TNFSF11: variants seen among roughly 807,000 people sequenced by gnomAD.
TNFSF11 encodes TNF superfamily member 11.
Under a neutral mutation model 32.2 loss-of-function variants are expected in TNFSF11, and 12 were observed. The observed-to-expected ratio is 0.37, with a 90% CI of 0.24 to 0.60. The LOEUF is 0.60. Among genes scored for constraint, TNFSF11 ranks in the 20% least tolerant of loss-of-function variants. The probability of loss-of-function intolerance (pLI) is 0.66; values close to 1 mark genes in which losing one functional copy is unlikely to be tolerated. For missense variants in TNFSF11, 345 were observed against 398.0 expected (o/e 0.87, Z 1.13); for synonymous variants, 172 against 152.1 (o/e 1.13, Z -0.96).
At chr13:42,573,714 G>C (rs1463781398), upstream of TNFSF11, among the ~76,000 whole-genome samples, 1 of 152,148 alleles carries the variant, frequency 6.6e-6, no homozygotes, top group Non-Finnish European at 1.5e-5. Context: ...ACTTTGGGGG[G>C]AGAGGTTGGA....
rs202090805 is a variant in TNFSF11 at position 42,581,314 on chromosome 13, A to G, written c.387+21A>G. Reference sequence around the variant, plus strand: ...AAAAGGTAAGTCCACATCGAGGCTGATAAGTCAAGGGCCCTTGCTGACTCT... The same window carrying G: ...AAAAGGTAAGTCCACATCGAGGCTGGTAAGTCAAGGGCCCTTGCTGACTCT... On this transcript the variant is annotated intron_variant, in intron 2 of 4. Coordinates refer to ENST00000398795, the MANE Select transcript of TNFSF11 (RefSeq NM_003701.4). 132 of 1,613,580 alleles carry G rather than the reference A, an allele frequency of 8.2e-5. No individual in the cohort carries two copies. In the African/African-American group the frequency reaches 1.6e-3, roughly 19 times the overall value.
chr13:42,595,192 G>A (rs1429456991), intron 2 of TNFSF11, among the ~76,000 whole-genome samples: 1 of 152,136 alleles, frequency 6.6e-6, no homozygotes, highest in African/African-American at 2.4e-5. Context: ...ATCTCAGAAG[G>A]TTTCTTTTAT....
At chr13:42,577,395 G>C (rs2137858657) in intron 1 of TNFSF11, among the ~76,000 whole-genome samples, 1 of 152,192 alleles carries the variant, frequency 6.6e-6, no homozygotes, top group African/African-American at 2.4e-5. Context: ...ATATCTACTA[G>C]ATCCGGTGTA....
intron 2 of TNFSF11, among the ~76,000 whole-genome samples, chr13:42,582,215 T>C (rs975110800): frequency 1.3e-5 from 2 of 152,192 alleles, no homozygotes; most frequent in Non-Finnish European, 2.9e-5. Flanking sequence ...AATCCACATA[T>C]AGTAATATAA....
At chr13:42,604,050 A>G (rs1035261686) in intron 4 of TNFSF11, among the ~76,000 whole-genome samples, 9 of 152,196 alleles carry the variant, frequency 5.9e-5, no homozygotes, top group African/African-American at 1.9e-4. Context: ...TCTCTATTTC[A>G]TATTCTTTCC....
intron 2 of TNFSF11, among the ~76,000 whole-genome samples, chr13:42,590,351 AGAG>A (rs1480167277): frequency 6.6e-6 from 1 of 152,174 alleles, no homozygotes; most frequent in African/African-American, 2.4e-5. Flanking sequence ...TGCTTCTTTG[AGAG>A]GAGAGCTCTT....
rs1373663692 is a variant in TNFSF11, at chr13:42,607,884, A to C, written c.*966A>C. On this transcript the variant is annotated 3_prime_UTR_variant, in exon 5 of 5. Coordinates refer to ENST00000398795, the MANE Select transcript of TNFSF11 (RefSeq NM_003701.4). ...CTTTTTTGTTTTTTCAAAATAGAAA[A>C]GTTATTAGTGGTTTATCAGCAAAAA... 6.5e-6 allele frequency: 1 copy of C among 152,696 alleles called. No individual in the cohort carries two copies. The highest frequency in any genetic ancestry group is 2.4e-5 in the African/African-American group (1 of 41,440). The allele number at this position is 152,696 out of a possible 1,614,324, so 9.5% of individuals were successfully genotyped here. A position where few individuals can be genotyped will look rare whatever the true frequency, so the allele number is the denominator to read the frequency against.
At chr13:42,590,245 G>T (rs926273764) in intron 2 of TNFSF11, among the ~76,000 whole-genome samples, 61 of 152,372 alleles carry the variant, frequency 4.0e-4, no homozygotes, top group African/African-American at 1.4e-3. Flanking sequence ...TGCTCAGGTG[G>T]CGAGTTGTTT....
chr13:42,606,496 G>T lies in TNFSF11; in HGVS notation c.533-1G>T. 6.2e-7 allele frequency: 1 copy of T among 1,614,170 alleles called. No individual in the cohort carries two copies. On this transcript the variant is annotated splice_acceptor_variant, in intron 4 of 4. Transcript: ENST00000398795. LOFTEE classifies it high-confidence loss of function. ...AAATCTTATGCCTCTCTTCTCCACA[G>T]GTTCCCATAAAGTGAGTCTGTCCTC...
chr13:42,589,874 A>G (rs1476907905), intron 2 of TNFSF11, among the ~76,000 whole-genome samples: 1 of 152,232 alleles, frequency 6.6e-6, no homozygotes, highest in Non-Finnish European at 1.5e-5. Flanking sequence ...GTCTTTGTGC[A>G]TAGTCCTTTG....
In TNFSF11 at chr13:42,579,006, T is replaced by C. The variant is rs73466161; in HGVS notation, c.220-2120T>C. On this transcript the variant is annotated intron_variant, in intron 1 of 4. Coordinates refer to ENST00000398795, the MANE Select transcript of TNFSF11 (RefSeq NM_003701.4). ...TGGGATCTAGTTAAAATGCATATTC[T>C]CAGGCAGTATGCCAAAGTAAAGCCT... 1.4e-3 allele frequency among the ~76,000 whole-genome samples: 218 copies of C among 152,304 alleles called. 1 individual carries two copies. Among genetic ancestry groups the C allele is most frequent in the African/African-American group, 5.1e-3 (212 of 41,564 alleles).
intron 2 of TNFSF11, among the ~76,000 whole-genome samples, chr13:42,591,410 G>A (rs370186534): frequency 4.6e-5 from 7 of 151,936 alleles, no homozygotes; most frequent in Non-Finnish European, 7.4e-5. Context: ...CCTCTGGGGA[G>A]GGTGAGGACC....
intron 2 of TNFSF11, among the ~76,000 whole-genome samples, chr13:42,588,864 G>A (rs1043736048): frequency 6.6e-6 from 1 of 152,106 alleles, no homozygotes. Context: ...TATGAAAGAG[G>A]TGGGTCCCGG....
intron 2 of TNFSF11, among the ~76,000 whole-genome samples, chr13:42,593,003 T>C (rs1160754425): frequency 6.6e-6 from 1 of 152,142 alleles, no homozygotes; most frequent in Admixed American, 6.5e-5. Context: ...TACCCAGTCT[T>C]GGCCAGTTCT....
chr13:42,592,066 T>C (rs755611180), intron 2 of TNFSF11, among the ~76,000 whole-genome samples: 12 of 152,112 alleles, frequency 7.9e-5, no homozygotes, highest in Non-Finnish European at 1.5e-4. Context: ...AAAACTAATG[T>C]TTTTCTCTGT....
chr13:42,567,962 C>G (rs934054454), intron 2 of TNFSF11, among the ~76,000 whole-genome samples: 5 of 152,202 alleles, frequency 3.3e-5, no homozygotes, highest in Admixed American at 3.3e-4. Flanking sequence ...TGAGCCCCCA[C>G]CTGTTACACA....
intron 1 of TNFSF11, among the ~76,000 whole-genome samples, chr13:42,565,699 A>G (rs1872844876): frequency 6.6e-6 from 1 of 152,110 alleles, no homozygotes; most frequent in South Asian, 2.1e-4. Context: ...AAAAATTAAG[A>G]GTTTGTAAAG....
intron 2 of TNFSF11, among the ~76,000 whole-genome samples, chr13:42,568,166 G>GTAACAT (rs1232898570): frequency 6.6e-6 from 1 of 152,216 alleles, no homozygotes; most frequent in African/African-American, 2.4e-5. Flanking sequence ...TGGGACGCAC[G>GTAACAT]TAACATGCAT....
chr13:42,600,999 C>G lies in TNFSF11; in HGVS notation c.532+18C>G. The stretch of plus-strand genomic sequence containing the variant: ...CCCATCTGGTAAGCTCTATCTGCAT[C>G]CAGCCTGAAAAATATTTTAAGAGTC... On this transcript the variant is annotated intron_variant, in intron 4 of 4. Coordinates refer to ENST00000398795, the MANE Select transcript of TNFSF11 (RefSeq NM_003701.4). The G allele has an allele frequency of 1.9e-6, 3 of 1,612,886 alleles. No individual in the cohort carries two copies. Among genetic ancestry groups the G allele is most frequent in the Non-Finnish European group, 2.5e-6 (3 of 1,178,916 alleles).
Sources: allele counts gnomAD v4.1 joint callset (sites outside exome capture counted in the v4.1 genomes callset), GRCh38; gene constraint gnomAD v4.1.1; transcripts MANE v1.5; gene names NCBI Gene and HGNC (gene_info 2026-07-23, HGNC 2026-07-21).